Variants in MEOX2 observed in about 807,000 individuals in gnomAD.
MEOX2 encodes homeobox protein MOX-2.
In MEOX2, 11 loss-of-function variants were observed where a neutral mutation model predicts 27.0. The ratio of observed to expected loss-of-function variants is 0.41; its 90% CI spans 0.26 to 0.68. The LOEUF (loss-of-function observed/expected upper bound fraction) is 0.68. MEOX2 is among the 30% of genes least tolerant of loss of function. The pLI, the probability that MEOX2 is intolerant of heterozygous loss-of-function variation, is 0.33. For missense variants in MEOX2, 436 were observed against 385.4 expected (o/e 1.13, Z -1.10); for synonymous variants, 189 against 155.4 (o/e 1.22, Z -1.61).
intron 1 of MEOX2, among the ~76,000 whole-genome samples, chr7:15,678,470 A>T (rs1197903801): frequency 6.6e-6 from 1 of 152,214 alleles, no homozygotes; most frequent in Non-Finnish European, 1.5e-5. Context: ...CTACCAACAT[A>T]AATCAATGAT....
chr7:15,641,114 T>C (rs1781553188), intron 1 of MEOX2, among the ~76,000 whole-genome samples: 2 of 152,140 alleles, frequency 1.3e-5, no homozygotes. Context: ...GTCTTGTATG[T>C]CTGGTAGAAT....
chr7:15,620,718 TA>T (rs1164705631), intron 2 of MEOX2, among the ~76,000 whole-genome samples: 2 of 152,296 alleles, frequency 1.3e-5, no homozygotes, highest in East Asian at 1.9e-4. Flanking sequence ...GATTTATGAG[TA>T]AAAAACAAAA....
chr7:15,639,435 T>A (rs539912528), intron 1 of MEOX2, among the ~76,000 whole-genome samples: 1 of 152,236 alleles, frequency 6.6e-6, no homozygotes, highest in South Asian at 2.1e-4. Flanking sequence ...GGTTTTCTGA[T>A]TATTCAATTG....
intron 1 of MEOX2, among the ~76,000 whole-genome samples, chr7:15,657,899 G>C (rs887689983): frequency 6.6e-6 from 1 of 152,172 alleles, no homozygotes; most frequent in African/African-American, 2.4e-5. Context: ...GGGCAAGGCA[G>C]GTGGAGCAGG....
intron 1 of MEOX2, among the ~76,000 whole-genome samples, chr7:15,645,870 C>G (rs573960461): frequency 4.6e-5 from 7 of 152,192 alleles, no homozygotes; most frequent in Non-Finnish European, 1.0e-4. Context: ...GTGCCACAAG[C>G]ATTTGTGTGT....
intron 1 of MEOX2, 29 bp downstream of exon 1, chr7:15,685,857 A>C (rs1583801590): frequency 1.3e-6 from 2 of 1,549,536 alleles, no homozygotes; most frequent in South Asian, 1.2e-5. Context: ...CCCGGCGCGC[A>C]CTCTCGAGGG....
chr7:15,614,285 G>GT, intron 2 of MEOX2, among the ~76,000 whole-genome samples: 1 of 151,778 alleles, frequency 6.6e-6, no homozygotes, highest in Non-Finnish European at 1.5e-5. Flanking sequence ...GGATGGCATA[G>GT]TGCCTGTAGT....
chr7:15,661,714 T>C (rs1235477417), intron 1 of MEOX2, among the ~76,000 whole-genome samples: 1 of 152,144 alleles, frequency 6.6e-6, no homozygotes, highest in African/African-American at 2.4e-5. Flanking sequence ...TGGTAACGAT[T>C]AGGGCAGTGC....
intron 2 of MEOX2, among the ~76,000 whole-genome samples, chr7:15,612,828 A>G (rs1405809548): frequency 6.6e-6 from 1 of 152,214 alleles, no homozygotes; most frequent in African/African-American, 2.4e-5. Context: ...ACAAAGTACT[A>G]TATTTGTATT....
intron 1 of MEOX2, among the ~76,000 whole-genome samples, chr7:15,656,843 A>G (rs1413507179): frequency 6.6e-6 from 1 of 150,538 alleles, no homozygotes; most frequent in Non-Finnish European, 1.5e-5. Flanking sequence ...TTTTTGTCCA[A>G]AAAAAAAATT....
intron 1 of MEOX2, among the ~76,000 whole-genome samples, chr7:15,628,718 T>G (rs935168026): frequency 6.6e-6 from 1 of 152,136 alleles, no homozygotes; most frequent in African/African-American, 2.4e-5. Context: ...GCTGCAAGGA[T>G]GGAAACTGCA....
chr7:15,668,969 T>A (rs1408010182), intron 1 of MEOX2, among the ~76,000 whole-genome samples: 1 of 152,198 alleles, frequency 6.6e-6, no homozygotes, highest in Non-Finnish European at 1.5e-5. Flanking sequence ...ATTTAAAACA[T>A]CATCTCTTAC....
chr7:15,668,226 C>T (rs1782040112), intron 1 of MEOX2: 1 of 152,244 alleles, frequency 6.6e-6, no homozygotes, highest in Non-Finnish European at 1.5e-5. Context: ...GCTCCTTCTG[C>T]TCAGCCTGCT....
At chr7:15,672,502 C>T (rs750283424) in intron 1 of MEOX2, among the ~76,000 whole-genome samples, 9 of 152,122 alleles carry the variant, frequency 5.9e-5, no homozygotes, top group Non-Finnish European at 1.2e-4. Flanking sequence ...CTGGTTTATG[C>T]TAAACTTTTA....
chr7:15,655,460 A>C (rs1179394748), intron 1 of MEOX2, among the ~76,000 whole-genome samples: 1 of 151,312 alleles, frequency 6.6e-6, no homozygotes, highest in Non-Finnish European at 1.5e-5. Flanking sequence ...TAGACGAGAG[A>C]TTAGACAATT....
intron 1 of MEOX2, among the ~76,000 whole-genome samples, chr7:15,664,955 C>T (rs190925634): frequency 2.0e-5 from 3 of 151,908 alleles, no homozygotes; most frequent in Non-Finnish European, 4.4e-5. Flanking sequence ...TGGCAGTCTC[C>T]TGTTTCAAAG....
chr7:15,672,759 GC>G, intron 1 of MEOX2, among the ~76,000 whole-genome samples: 1 of 151,868 alleles, frequency 6.6e-6, no homozygotes, highest in African/African-American at 2.4e-5. Flanking sequence ...GGGTATGGTG[GC>G]ACGTGCCTGT....
chr7:15,673,433 G>A (rs1274827605), intron 1 of MEOX2, among the ~76,000 whole-genome samples: 2 of 151,830 alleles, frequency 1.3e-5, no homozygotes, highest in Non-Finnish European at 2.9e-5. Flanking sequence ...AATAAATCTG[G>A]CAGGCGTCAT....
intron 1 of MEOX2, among the ~76,000 whole-genome samples, chr7:15,662,556 T>G (rs1468962536): frequency 6.6e-6 from 1 of 152,070 alleles, no homozygotes; most frequent in Non-Finnish European, 1.5e-5. Flanking sequence ...TTAAACATAT[T>G]TTGTAGTTGC....
Sources: gnomAD v4.1 joint callset for allele counts (sites outside exome capture counted in the v4.1 genomes callset) on GRCh38, gnomAD v4.1.1 for gene constraint, MANE v1.5 for transcripts, NCBI Gene and HGNC (gene_info 2026-07-23, HGNC 2026-07-21) for gene names.